KCNE3: variants seen among roughly 807,000 people sequenced by gnomAD.
KCNE3 encodes the protein potassium voltage-gated channel subfamily E regulatory subunit 3, also known as potassium voltage-gated channel subfamily E member 3.
In KCNE3, 2 loss-of-function variants were observed where a neutral mutation model predicts 4.3. The observed-to-expected ratio is 0.47, with a 90% CI of 0.19 to 1.48. KCNE3 has a LOEUF of 1.48. Ranked by LOEUF, KCNE3 falls within the 40% of genes most tolerant of loss-of-function variation. KCNE3 has a pLI of 0.25. For synonymous variants in KCNE3, 47 were observed against 52.0 expected (o/e 0.90, Z 0.41); for missense variants, 128 against 136.8 (o/e 0.94, Z 0.32).
intron 1 of KCNE3, among the ~76,000 whole-genome samples, chr11:74,466,920 G>T (rs778717469): frequency 1.2e-4 from 19 of 152,218 alleles, no homozygotes; most frequent in Non-Finnish European, 2.2e-4. Flanking sequence ...GGTTTCCCGG[G>T]ACTAGGTCAG....
At chr11:74,458,706 G>A (rs538492981) in intron 2 of KCNE3, among the ~76,000 whole-genome samples, 7 of 152,008 alleles carry the variant, frequency 4.6e-5, no homozygotes, top group African/African-American at 7.2e-5. Context: ...GGTGGTGAGC[G>A]CTTGGTAATC....
At chr11:74,459,430 T>C (rs1863898434) in intron 2 of KCNE3, among the ~76,000 whole-genome samples, 1 of 151,752 alleles carries the variant, frequency 6.6e-6, no homozygotes, top group Admixed American at 6.6e-5. Flanking sequence ...CCAGGCTAAT[T>C]TTTTTGTATT....
Position 74,455,476 on chromosome 11 carries a change from A to G in KCNE3, c.*1776T>C, listed in dbSNP as rs1014345743. On this transcript the variant is annotated 3_prime_UTR_variant, in exon 3 of 3. Transcript: ENST00000310128. The stretch of plus-strand genomic sequence containing the variant: ...TCTAACCTACAAACACAGTGATTAC[A>G]TATGGCTCAACTTAATGTATATGAA... The G allele has an allele frequency of 6.6e-6, 1 of 152,208 alleles. No homozygotes were observed. The highest frequency in any genetic ancestry group is 6.5e-5 in the Admixed American group (1 of 15,272). The allele number at this position is 152,208 out of a possible 1,614,324, so 9.4% of individuals were successfully genotyped here.
chr11:74,461,127 C>G (rs1178553359), intron 2 of KCNE3, among the ~76,000 whole-genome samples: 2 of 152,072 alleles, frequency 1.3e-5, no homozygotes, highest in African/African-American at 4.8e-5. Flanking sequence ...GCTTTGGTTT[C>G]CTCATCTACC....
chr11:74,457,448 G>C lies in KCNE3; in HGVS notation c.116C>G (p.Pro39Arg), dbSNP rs34604640. The C allele has an allele frequency of 7.7e-5, 124 of 1,613,992 alleles. No individual in the cohort carries two copies. The highest frequency in any genetic ancestry group is 4.9e-4 in the Middle Eastern group (3 of 6,062). ...LLCRPGPGLG[P>R]DNQTEERRAS... is the part of the protein sequence containing the mutation. ...CCGCCTCTCTTCAGTCTGGTTGTCT[G>C]GCCCCAGCCCTGGCCCTGGCCGGCA... The change falls in exon 3 of 3, where the codon CCA becomes CGA. Residue 39 changes from proline (P) to arginine (R), a missense_variant. Pro to Arg is a moderately radical substitution (Grantham distance 103). Coordinates refer to ENST00000310128, the MANE Select transcript of KCNE3 (RefSeq NM_005472.5).
intron 1 of KCNE3, among the ~76,000 whole-genome samples, chr11:74,465,102 CTG>C (rs143869592): frequency 0.029 from 4,368 of 150,074 alleles, 143 homozygotes; most frequent in African/African-American, 0.082. Context: ...TACTGAAACT[CTG>C]TGTGTGTGTG....
At position 74,457,381 on chromosome 11, in the gene KCNE3, A is replaced by T; in HGVS notation, c.183T>A (p.Ile61=). The T allele has an allele frequency of 6.2e-7, 1 of 1,614,138 alleles. No individual in the cohort carries two copies. The highest frequency in any genetic ancestry group is 8.5e-7 in the Non-Finnish European group (1 of 1,180,006). The change falls in exon 3 of 3, where the codon ATT becomes ATA. Residue 61 remains isoleucine, a synonymous_variant. Coordinates refer to ENST00000310128, the MANE Select transcript of KCNE3 (RefSeq NM_005472.5). ...PGRDDNSYMY[I]LFVMFLFAVT... ...CAGCAAATAGAAACATGACAAAGAGAATGTACATGTAGGAGTTGTCATCAC... is the reference window on the plus strand; with the variant it reads ...CAGCAAATAGAAACATGACAAAGAGTATGTACATGTAGGAGTTGTCATCAC...
intron 2 of KCNE3, among the ~76,000 whole-genome samples, chr11:74,461,678 T>A (rs927655690): frequency 6.6e-6 from 1 of 151,988 alleles, no homozygotes; most frequent in South Asian, 2.1e-4. Flanking sequence ...TGATCATCCT[T>A]TCCCTCCTCC....
intron 1 of KCNE3, among the ~76,000 whole-genome samples, chr11:74,465,152 G>A (rs1329537096): frequency 6.6e-6 from 1 of 151,908 alleles, no homozygotes; most frequent in African/African-American, 2.4e-5. Context: ...GTGTATGTGT[G>A]TAACTGTGCG....
chr11:74,459,942 A>G (rs764299190), intron 2 of KCNE3, among the ~76,000 whole-genome samples: 5 of 152,128 alleles, frequency 3.3e-5, no homozygotes, highest in African/African-American at 9.7e-5. Flanking sequence ...TCTAGTAGAG[A>G]TGTTCACTTT....
chr11:74,457,829 C>G (rs1423964913), intron 2 of KCNE3, among the ~76,000 whole-genome samples: 1 of 152,096 alleles, frequency 6.6e-6, no homozygotes, highest in African/African-American at 2.4e-5. Context: ...CCATGCTGTT[C>G]TCATGATAGT....
intron 1 of KCNE3, among the ~76,000 whole-genome samples, chr11:74,463,463 TG>T (rs1408469074): frequency 1.3e-5 from 2 of 152,182 alleles, no homozygotes; most frequent in African/African-American, 2.4e-5. Flanking sequence ...GGGCTCAAGC[TG>T]GGGACTGGCA....
rs72550288 is a variant in KCNE3, at chr11:74,455,556, T to A, written c.*1696A>T. The A allele has an allele frequency of 1.3e-5, 2 of 152,210 alleles. No individual in the cohort carries two copies. Among genetic ancestry groups the A allele is most frequent in the Non-Finnish European group, 2.9e-5 (2 of 68,040 alleles). 9.4% of individuals were successfully genotyped at this position (152,210 alleles called of 1,614,324 possible). On this transcript the variant is annotated 3_prime_UTR_variant, in exon 3 of 3. Coordinates refer to ENST00000310128, the MANE Select transcript of KCNE3 (RefSeq NM_005472.5). The stretch of plus-strand genomic sequence containing the variant: ...AGAGACTTTCAAGTCTATTTCATTA[T>A]GTTGAAGAGGAAAACGGATGAGGGA...
Position 74,457,139 on chromosome 11 carries a change from G to A in KCNE3, c.*113C>T. On this transcript the variant is annotated 3_prime_UTR_variant, in exon 3 of 3. Transcript: ENST00000310128. ...ACGACCTCCCTTAACCGTGTTTCTTGTTGATCTTACAGATAGGGACACTGA... is the reference window on the plus strand; with the variant it reads ...ACGACCTCCCTTAACCGTGTTTCTTATTGATCTTACAGATAGGGACACTGA... The A allele has an allele frequency of 9.4e-7, 1 of 1,061,378 alleles. No homozygotes were observed. Among genetic ancestry groups the A allele is most frequent in the South Asian group, 1.4e-5 (1 of 73,900 alleles). The allele number at this position is 1,061,378 out of a possible 1,614,324, so 65.7% of individuals were successfully genotyped here.
intron 1 of KCNE3, chr11:74,462,665 C>T (rs187104609): frequency 2.0e-5 from 3 of 152,342 alleles, no homozygotes; most frequent in African/African-American, 7.2e-5. Context: ...GTGCTTGGCA[C>T]TAGACACTGC....
intron 1 of KCNE3, chr11:74,462,439 C>T (rs1380996043): frequency 6.6e-6 from 1 of 152,204 alleles, no homozygotes; most frequent in African/African-American, 2.4e-5. Context: ...TAAAACATTC[C>T]CTTTCCTAAG....
intron 1 of KCNE3, among the ~76,000 whole-genome samples, chr11:74,463,193 G>C (rs1247898263): frequency 6.6e-6 from 1 of 152,140 alleles, no homozygotes; most frequent in Non-Finnish European, 1.5e-5. Flanking sequence ...AGTGTGGAGG[G>C]TAGGGTGGGC....
Position 74,457,267 on chromosome 11 carries a change from A to G in KCNE3, c.297T>C (p.Arg99=). The G allele has an allele frequency of 1.2e-6, 2 of 1,613,962 alleles. No homozygotes were observed. The highest frequency in any genetic ancestry group is 1.1e-5 in the South Asian group (1 of 91,066). ...SDPYHVYIKN[R]VSMI ...CCCTCTCGTGTTAGATCATAGACAC[A>G]CGGTTCTTGATATACACATGATAGG... The change falls in exon 3 of 3, where the codon CGT becomes CGC. Residue 99 remains arginine, a synonymous_variant. Coordinates refer to ENST00000310128, the MANE Select transcript of KCNE3 (RefSeq NM_005472.5).
intron 2 of KCNE3, among the ~76,000 whole-genome samples, chr11:74,460,610 T>C (rs1863930589): frequency 6.6e-6 from 1 of 152,040 alleles, no homozygotes; most frequent in African/African-American, 2.4e-5. Flanking sequence ...CAAGAAAGTG[T>C]GTAAATGTTT....
Sources: gnomAD v4.1 joint callset for allele counts (sites outside exome capture counted in the v4.1 genomes callset) on GRCh38, gnomAD v4.1.1 for gene constraint, MANE v1.5 for transcripts, NCBI Gene and HGNC (gene_info 2026-07-23, HGNC 2026-07-21) for gene names.